The following ARHGAP17 variants were observed in gnomAD, a reference collection of about 807,000 sequenced individuals.
ARHGAP17 encodes the protein Rho GTPase activating protein 17, also known as rho GTPase-activating protein 17.
ARHGAP17 carries 57 observed loss-of-function variants against 99.5 expected under a neutral mutation model. That is an observed-to-expected ratio of 0.57 (90% CI 0.46 to 0.71). ARHGAP17 has a LOEUF of 0.71. ARHGAP17 is among the 30% of genes least tolerant of loss of function. The pLI, the probability that ARHGAP17 is intolerant of heterozygous loss-of-function variation, is 0.00. For synonymous variants in ARHGAP17, 417 were observed against 429.6 expected (o/e 0.97, Z 0.36); for missense variants, 1,000 against 1,122.4 (o/e 0.89, Z 1.56).
intron 2 of ARHGAP17, among the ~76,000 whole-genome samples, chr16:24,978,103 A>T (rs2052571865): frequency 6.6e-6 from 1 of 152,196 alleles, no homozygotes; most frequent in South Asian, 2.1e-4. Flanking sequence ...CAGATTCCAC[A>T]TTACCTTCCC....
At chr16:24,958,768 C>G (rs556440552) in intron 9 of ARHGAP17, among the ~76,000 whole-genome samples, 1 of 152,206 alleles carries the variant, frequency 6.6e-6, no homozygotes, top group Admixed American at 6.5e-5. Flanking sequence ...ACAACACACA[C>G]AGACACATGC....
At chr16:25,013,015 A>C (rs1465794345) in intron 1 of ARHGAP17, among the ~76,000 whole-genome samples, 1 of 152,202 alleles carries the variant, frequency 6.6e-6, no homozygotes, top group Admixed American at 6.5e-5. Context: ...CTGGGAATCA[A>C]AGGAGACACA....
intron 3 of ARHGAP17, among the ~76,000 whole-genome samples, chr16:24,974,118 T>C (rs1321110163): frequency 6.6e-6 from 1 of 152,216 alleles, no homozygotes; most frequent in African/African-American, 2.4e-5. Context: ...TGGAACTATT[T>C]CACCAGGCAC....
At position 24,952,307 on chromosome 16, in the gene ARHGAP17, T is replaced by C. The variant is rs899887588; in HGVS notation, c.1028A>G (p.Glu343Gly). 6.2e-7 allele frequency: 1 copy of C among 1,612,774 alleles called. No individual in the cohort carries two copies. Residue 343 changes from glutamate to glycine, a missense_variant, in exon 12 of 20, where the codon GAA becomes GGA. Transcript: ENST00000289968. ...EPLMTFNLYE[E>G]WTQVASVQDQ... ...AACTTACCTTGCAACTTGTGTCCATTCTTCATACAGATTAAAAGTCATCAA... is the reference window on the plus strand; with the variant it reads ...AACTTACCTTGCAACTTGTGTCCATCCTTCATACAGATTAAAAGTCATCAA...
intron 1 of ARHGAP17, among the ~76,000 whole-genome samples, chr16:24,999,931 T>C (rs761419701): frequency 1.3e-5 from 2 of 152,190 alleles, no homozygotes; most frequent in African/African-American, 2.4e-5. Flanking sequence ...ACACTGTATG[T>C]CCTCACTGTC....
At chr16:24,963,862 TTC>T (rs1489000581) in intron 7 of ARHGAP17, among the ~76,000 whole-genome samples, 1 of 152,184 alleles carries the variant, frequency 6.6e-6, no homozygotes, top group Non-Finnish European at 1.5e-5. Context: ...ACAGTTTTAC[TTC>T]TTTTTTCTTA....
At chr16:24,946,259 T>C (rs1002686972) in intron 14 of ARHGAP17, among the ~76,000 whole-genome samples, 2 of 151,976 alleles carry the variant, frequency 1.3e-5, no homozygotes, top group Admixed American at 6.6e-5. Context: ...GTACAATGTG[T>C]GAGGCCCTTG....
chr16:24,971,309 G>A (rs1368519392), intron 3 of ARHGAP17, among the ~76,000 whole-genome samples: 1 of 149,848 alleles, frequency 6.7e-6, no homozygotes, highest in Non-Finnish European at 1.5e-5. Flanking sequence ...GCTTTTGCTA[G>A]AACACTCATT....
intron 11 of ARHGAP17, 107 bp downstream of exon 11, chr16:24,952,824 A>C: frequency 9.7e-7 from 1 of 1,033,454 alleles, no homozygotes; most frequent in South Asian, 1.5e-5. Flanking sequence ...CGGTTTTGTC[A>C]CTTAAACCTG....
chr16:24,984,838 T>C (rs917791706), intron 1 of ARHGAP17, among the ~76,000 whole-genome samples: 3 of 152,042 alleles, frequency 2.0e-5, no homozygotes, highest in Admixed American at 1.3e-4. Flanking sequence ...AAATGTGATA[T>C]TACCTTTCAA....
intron 17 of ARHGAP17, among the ~76,000 whole-genome samples, chr16:24,938,272 G>A (rs936632296): frequency 2.0e-5 from 3 of 152,088 alleles, no homozygotes; most frequent in African/African-American, 7.2e-5. Context: ...GCTGAGGCAA[G>A]AGAATCACTT....
chr16:24,981,187 A>C (rs1389941418), intron 1 of ARHGAP17, among the ~76,000 whole-genome samples: 1 of 152,200 alleles, frequency 6.6e-6, no homozygotes, highest in Admixed American at 6.5e-5. Flanking sequence ...TGAAATCAAA[A>C]ACATAAACAA....
chr16:24,958,096 G>A (rs1375926026), intron 9 of ARHGAP17, among the ~76,000 whole-genome samples: 4 of 152,138 alleles, frequency 2.6e-5, no homozygotes, highest in Admixed American at 6.5e-5. Flanking sequence ...TCCACGGGCT[G>A]TTCCATCCTA....
rs947102945 is a variant in ARHGAP17 at position 24,943,458 on chromosome 16, T to C, written c.1333+313A>G. ...CCTTGTGTTATAATTTATCTGTTCA[T>C]GTGGCCATCTTCTCCAGTGGCCGGA... On this transcript the variant is annotated intron_variant, in intron 15 of 19. Transcript: ENST00000289968. Among the ~76,000 whole-genome samples the C allele has an allele frequency of 2.0e-5, 3 of 152,246 alleles. No individual in the cohort carries two copies. In the South Asian group the frequency reaches 6.2e-4, roughly 31 times the overall value.
At chr16:25,005,379 A>C (rs1447083925) in intron 1 of ARHGAP17, among the ~76,000 whole-genome samples, 3 of 152,240 alleles carry the variant, frequency 2.0e-5, no homozygotes, top group African/African-American at 7.2e-5. Flanking sequence ...TGAATGTGCA[A>C]GGTTTCATCA....
In ARHGAP17 at chr16:24,930,912, C is replaced by T. The variant is rs770612846; in HGVS notation, c.2387G>A (p.Arg796Lys). 7 of 1,613,788 alleles carry T rather than the reference C, an allele frequency of 4.3e-6. No individual in the cohort carries two copies. The highest frequency in any genetic ancestry group is 3.3e-4 in the Middle Eastern group (2 of 6,060). Reference sequence around the variant, plus strand: ...CCTTGGCTTTGGTACTGGTCTCGGTCTCGGTAAGGTTCCAGCATGTGGCTG... The same window carrying T: ...CCTTGGCTTTGGTACTGGTCTCGGTTTCGGTAAGGTTCCAGCATGTGGCTG... ...TAQPHAGTLP[R>K]PRPVPKPRNR... is the part of the protein sequence containing the mutation. The change falls in exon 19 of 20, where the codon AGA becomes AAA. Residue 796 changes from arginine (R) to lysine (K), a missense_variant. Transcript: ENST00000289968.
intron 7 of ARHGAP17, among the ~76,000 whole-genome samples, chr16:24,962,711 A>G (rs897001383): frequency 5.3e-5 from 8 of 152,242 alleles, no homozygotes; most frequent in African/African-American, 1.9e-4. Flanking sequence ...ACTCTCACAG[A>G]GAATTTCAGA....
At chr16:24,970,259 A>G (rs1408007246) in intron 4 of ARHGAP17, among the ~76,000 whole-genome samples, 4 of 152,218 alleles carry the variant, frequency 2.6e-5, no homozygotes, top group Non-Finnish European at 5.9e-5. Context: ...TGACCCTATC[A>G]GTTGCTTTTT....
chr16:24,980,546 C>T (rs536246297), intron 1 of ARHGAP17, among the ~76,000 whole-genome samples: 1 of 152,246 alleles, frequency 6.6e-6, no homozygotes, highest in South Asian at 2.1e-4. Context: ...TACCCTAGAC[C>T]TTGCTTGGCA....
Sources: gnomAD v4.1 joint callset for allele counts (sites outside exome capture counted in the v4.1 genomes callset) on GRCh38, gnomAD v4.1.1 for gene constraint, MANE v1.5 for transcripts, NCBI Gene and HGNC (gene_info 2026-07-23, HGNC 2026-07-21) for gene names.